CYP2R1: variants seen among roughly 807,000 people sequenced by gnomAD.
CYP2R1 encodes the protein cytochrome P450 family 2 subfamily R member 1.
Under a neutral mutation model 45.7 loss-of-function variants are expected in CYP2R1, and 40 were observed. The ratio of observed to expected loss-of-function variants is 0.87; its 90% confidence interval spans 0.68 to 1.14. CYP2R1 has a LOEUF of 1.14. CYP2R1 is among the 50% of genes most tolerant of loss of function. The pLI is 0.00. For synonymous variants in CYP2R1, 234 were observed against 219.3 expected, an observed-to-expected ratio of 1.07 and a Z score of -0.59; for missense variants, 605 against 602.6, an observed-to-expected ratio of 1.00 and a Z score of -0.04.
chr11:14,879,104 G>A lies in CYP2R1; in HGVS notation c.1330+10C>T, dbSNP rs1848269355. ...TATTCTAAAGTTACGCCCCGTGAAA[G>A]TTCTCTTACCTAGGGAAAAAGGAAC... On this transcript the variant is annotated intron_variant, in intron 4 of 4. Transcript: ENST00000334636. The A allele has an allele frequency of 1.2e-6, 2 of 1,609,760 alleles. No homozygotes were observed. The highest frequency in any genetic ancestry group is 1.7e-6 in the Non-Finnish European group (2 of 1,176,492).
intron 1 of CYP2R1, among the ~76,000 whole-genome samples, chr11:14,889,169 T>TG (rs1848732299): frequency 6.7e-6 from 1 of 149,624 alleles, no homozygotes. Flanking sequence ...CAGTTGTTTT[T>TG]TTTTTTTTTT....
At chr11:14,882,554 C>G in intron 2 of CYP2R1, among the ~76,000 whole-genome samples, 1 of 152,138 alleles carries the variant, frequency 6.6e-6, no homozygotes, top group Non-Finnish European at 1.5e-5. Flanking sequence ...TGACACTGGG[C>G]TCACCCAAAG....
intron 1 of CYP2R1, chr11:14,890,672 G>A (rs1848812196): frequency 4.3e-6 from 1 of 231,604 alleles, no homozygotes; most frequent in Non-Finnish European, 6.8e-6. Flanking sequence ...TCAGCCTCCC[G>A]AATAGCTGGG....
At position 14,877,712 on chromosome 11, in the gene CYP2R1, G is replaced by A. The variant is rs144390063; in HGVS notation, c.*410C>T. ...TGTAGTCCTCTATTAAACTGGACTG[G>A]TACCACACAGTTTATTAATGACAAT... is the stretch of plus-strand genomic sequence containing the variant. On this transcript the variant is annotated 3_prime_UTR_variant, in exon 5 of 5. Coordinates refer to ENST00000334636, the MANE Select transcript of CYP2R1 (RefSeq NM_024514.5). 9.5e-5 allele frequency: 16 copies of A among 167,848 alleles called. No individual in the cohort carries two copies. The East Asian group carries it at 2.8e-3, about 29-fold the overall frequency. 10.4% of individuals were successfully genotyped at this position (167,848 alleles called of 1,614,324 possible). A position where few individuals can be genotyped will look rare whatever the true frequency, so the allele number is the denominator to read the frequency against.
At position 14,886,113 on chromosome 11, in the gene CYP2R1, G is replaced by T. The variant is rs186671646; in HGVS notation, c.226-196C>A. On this transcript the variant is annotated intron_variant, in intron 1 of 4. Coordinates refer to ENST00000334636, the MANE Select transcript of CYP2R1 (RefSeq NM_024514.5). ...ATGCAAAACTGTGTGATTTCATTAT[G>T]CCATTCAGTGCCTAAAGTCACAGTC... The T allele has an allele frequency of 8.3e-4, 495 of 593,084 alleles. 3 individuals carry two copies. The African/African-American group carries it at 8.3e-3, about 10-fold the overall frequency. 36.7% of individuals were successfully genotyped at this position (593,084 alleles called of 1,614,324 possible).
In CYP2R1 at chr11:14,880,696, A is replaced by G; in HGVS notation, c.440T>C (p.Phe147Ser). The change falls in exon 3 of 5, where the codon TTT becomes TCT. Residue 147 changes from phenylalanine to serine, a missense_variant. Transcript: ENST00000334636. ...RRLAVNSFRYFGYGQKSFESK... is the reference protein window; with the variant it reads ...RRLAVNSFRYSGYGQKSFESK... Reference sequence around the variant, plus strand: ...TTCAAAAGACTTTTGGCCATATCCAAAATATCGAAAACTGTTTACAGCTAA... The same window carrying G: ...TTCAAAAGACTTTTGGCCATATCCAGAATATCGAAAACTGTTTACAGCTAA... 1 of 1,597,084 alleles carries G rather than the reference A, an allele frequency of 6.3e-7. No homozygotes were observed.
intron 1 of CYP2R1, chr11:14,886,203 A>G: frequency 2.5e-6 from 1 of 400,562 alleles, no homozygotes; most frequent in Non-Finnish European, 4.6e-6. Flanking sequence ...AAGGTTTGCC[A>G]TTAAACAGAT....
At chr11:14,885,123 C>T (rs1848564594) in intron 2 of CYP2R1, among the ~76,000 whole-genome samples, 1 of 152,230 alleles carries the variant, frequency 6.6e-6, no homozygotes, top group Middle Eastern at 3.4e-3. Context: ...AAATGTGAAA[C>T]TCAGAGAATT....
intron 1 of CYP2R1, among the ~76,000 whole-genome samples, chr11:14,888,377 CATATT>C (rs1746656174): frequency 6.6e-6 from 1 of 152,174 alleles, no homozygotes; most frequent in African/African-American, 2.4e-5. Flanking sequence ...TACATTTAAA[CATATT>C]ATTATAACAT....
chr11:14,880,394 T>C lies in CYP2R1; in HGVS notation c.742A>G (p.Arg248Gly), dbSNP rs782178792. 1.2e-6 allele frequency: 2 copies of C among 1,613,466 alleles called. No individual in the cohort carries two copies. Among genetic ancestry groups the C allele is most frequent in the Non-Finnish European group, 1.7e-6 (2 of 1,179,656 alleles). ...LPFGKHQQLF[R>G]NAAVVYDFLS... ...AAATCATAGACTACAGCTGCATTTC[T>C]AAACAGCTGTTGATGTTTTCCAAAA... Residue 248 changes from arginine (R) to glycine (G), a missense_variant, in exon 3 of 5, where the codon AGA becomes GGA. Coordinates refer to ENST00000334636, the MANE Select transcript of CYP2R1 (RefSeq NM_024514.5).
chr11:14,879,486 A>G (rs782703070), intron 3 of CYP2R1, 43 bp from the exon 4 acceptor site: 2 of 1,451,092 alleles, frequency 1.4e-6, no homozygotes, highest in East Asian at 2.3e-5. Context: ...AGTTCTTAGA[A>G]TTATACCTAA....
intron 2 of CYP2R1, among the ~76,000 whole-genome samples, chr11:14,882,173 A>C (rs1240823774): frequency 2.0e-5 from 3 of 152,108 alleles, no homozygotes; most frequent in Non-Finnish European, 4.4e-5. Flanking sequence ...TGTTCCAGGC[A>C]ATGTTCTAAG....
intron 1 of CYP2R1, among the ~76,000 whole-genome samples, chr11:14,888,811 C>T (rs1186679693): frequency 3.9e-5 from 6 of 152,238 alleles, no homozygotes; most frequent in South Asian, 2.1e-4. Context: ...TAAATTAATA[C>T]GCTGTCAATT....
At chr11:14,878,344 T>C (rs2134009462) in intron 4 of CYP2R1, 47 bp from the exon 5 acceptor site, 1 of 1,565,664 alleles carries the variant, frequency 6.4e-7, no homozygotes, top group Middle Eastern at 1.7e-4. Flanking sequence ...CCACAATCTT[T>C]ACCAAAATTA....
chr11:14,887,461 GT>G (rs1848664684), intron 1 of CYP2R1: 1 of 398,322 alleles, frequency 2.5e-6, no homozygotes, highest in Admixed American at 6.4e-5. Context: ...TTTGGTAAAG[GT>G]GTGTGACTCA....
At chr11:14,888,809 T>C (rs899168676) in intron 1 of CYP2R1, among the ~76,000 whole-genome samples, 5 of 152,202 alleles carry the variant, frequency 3.3e-5, no homozygotes, top group African/African-American at 1.2e-4. Context: ...AATAAATTAA[T>C]ACGCTGTCAA....
chr11:14,889,172 T>C (rs1336355683), intron 1 of CYP2R1, among the ~76,000 whole-genome samples: 1 of 151,878 alleles, frequency 6.6e-6, no homozygotes, highest in Admixed American at 6.6e-5. Flanking sequence ...TTGTTTTTTT[T>C]TTTTTTTCTG....
rs781908105 is a variant in CYP2R1, at chr11:14,879,382, G to T, written c.1062C>A (p.Asp354Glu). ...CCTCAGTATAAGGCATTTTGCATTT[G>T]TCGTCCCAAGAAGGCTTCCCATTAG... ...MGPNGKPSWD[D>E]KCKMPYTEAV... Residue 354 changes from aspartate (D) to glutamate (E), a missense_variant, in exon 4 of 5, where the codon GAC becomes GAA. Physicochemically the swap from Asp to Glu is conservative, Grantham distance 45. Transcript: ENST00000334636. The T allele has an allele frequency of 3.1e-6, 5 of 1,609,716 alleles. No individual in the cohort carries two copies. The South Asian group carries it at 5.5e-5, about 18-fold the overall frequency.
chr11:14,878,057 G>T lies in CYP2R1; in HGVS notation c.*65C>A. 6.4e-7 allele frequency: 1 copy of T among 1,557,270 alleles called. No individual in the cohort carries two copies. The highest frequency in any genetic ancestry group is 1.2e-5 in the South Asian group (1 of 86,934). On this transcript the variant is annotated 3_prime_UTR_variant, in exon 5 of 5. Coordinates refer to ENST00000334636, the MANE Select transcript of CYP2R1 (RefSeq NM_024514.5). ...TTTATTCTAATACACACATTGATTT[G>T]ATTAAACCAAGTTCAGGGATAAGGC... is the stretch of plus-strand genomic sequence containing the variant.
Sources: gnomAD v4.1 joint callset for allele counts (sites outside exome capture counted in the v4.1 genomes callset) on GRCh38, gnomAD v4.1.1 for gene constraint, MANE v1.5 for transcripts, NCBI Gene and HGNC (gene_info 2026-07-23, HGNC 2026-07-21) for gene names.